The following MAPK4 variants were observed in gnomAD, a reference collection of about 807,000 sequenced individuals.
MAPK4 encodes the protein mitogen-activated protein kinase 4.
In MAPK4, 22 loss-of-function variants were observed where a neutral mutation model predicts 47.7. That is an observed-to-expected ratio of 0.46 (90% CI 0.33 to 0.66). The LOEUF is 0.66. MAPK4 is among the 30% of genes least tolerant of loss of function. MAPK4 has a pLI of 0.02. For synonymous variants in MAPK4, 390 were observed against 365.7 expected (o/e 1.07, Z -0.76); for missense variants, 736 against 831.7 (o/e 0.88, Z 1.42).
At chr18:50,665,847 T>G (rs1444771864) in intron 2 of MAPK4, among the ~76,000 whole-genome samples, 12 of 152,036 alleles carry the variant, frequency 7.9e-5, no homozygotes, top group Admixed American at 7.9e-4. Context: ...GCCAACTCTG[T>G]AGGAAGGAAT....
At chr18:50,674,395 G>T (rs943119053) in intron 2 of MAPK4, among the ~76,000 whole-genome samples, 1 of 152,202 alleles carries the variant, frequency 6.6e-6, no homozygotes, top group Non-Finnish European at 1.5e-5. Flanking sequence ...AGGCTCGGTG[G>T]GGGTGTGGGC....
At chr18:50,640,632 A>AT (rs2042932719) in intron 1 of MAPK4, among the ~76,000 whole-genome samples, 1 of 151,908 alleles carries the variant, frequency 6.6e-6, no homozygotes, top group African/African-American at 2.4e-5. Flanking sequence ...CGTCTGGCTA[A>AT]TTTTTGTATT....
At chr18:50,614,817 G>A (rs1425327450) in intron 1 of MAPK4, among the ~76,000 whole-genome samples, 1 of 152,144 alleles carries the variant, frequency 6.6e-6, no homozygotes, top group Non-Finnish European at 1.5e-5. Context: ...TCAAGAATTG[G>A]AATATGAATA....
intron 1 of MAPK4, among the ~76,000 whole-genome samples, chr18:50,646,168 T>A (rs935619536): frequency 7.2e-5 from 11 of 152,106 alleles, no homozygotes; most frequent in Non-Finnish European, 1.3e-4. Flanking sequence ...AGTTGGTGTT[T>A]TTTGTTTGTT....
intron 2 of MAPK4, among the ~76,000 whole-genome samples, chr18:50,687,055 A>G (rs573094406): frequency 1.3e-5 from 2 of 152,332 alleles, no homozygotes; most frequent in South Asian, 2.1e-4. Flanking sequence ...GAATTCACAT[A>G]CCTTTTGCCC....
At chr18:50,686,923 G>C (rs1908912984) in intron 2 of MAPK4, among the ~76,000 whole-genome samples, 1 of 152,190 alleles carries the variant, frequency 6.6e-6, no homozygotes, top group African/African-American at 2.4e-5. Context: ...TTTCCACAAA[G>C]CCCAGATGGA....
intron 1 of MAPK4, among the ~76,000 whole-genome samples, chr18:50,653,333 T>C (rs1312922113): frequency 6.6e-6 from 1 of 152,194 alleles, no homozygotes; most frequent in Non-Finnish European, 1.5e-5. Flanking sequence ...AGCTGAAAGA[T>C]ACCTTTTATG....
intron 2 of MAPK4, among the ~76,000 whole-genome samples, chr18:50,709,444 C>T (rs1198840337): frequency 6.6e-5 from 10 of 152,192 alleles, no homozygotes; most frequent in African/African-American, 2.4e-4. Context: ...CTTGCAAGGG[C>T]CCCACTAGGG....
chr18:50,645,227 G>A (rs2042977693), intron 1 of MAPK4, among the ~76,000 whole-genome samples: 1 of 151,728 alleles, frequency 6.6e-6, no homozygotes, highest in South Asian at 2.1e-4. Context: ...AGAGATGAAT[G>A]CCAATGCGCC....
chr18:50,647,121 T>G (rs2144197214), intron 1 of MAPK4, among the ~76,000 whole-genome samples: 1 of 152,324 alleles, frequency 6.6e-6, no homozygotes, highest in African/African-American at 2.4e-5. Flanking sequence ...ATGAAAGTAT[T>G]AAATATTCAA....
intron 1 of MAPK4, among the ~76,000 whole-genome samples, chr18:50,636,388 C>G (rs1021837661): frequency 6.6e-6 from 1 of 152,214 alleles, no homozygotes; most frequent in East Asian, 1.9e-4. Context: ...CAGTTCCGAG[C>G]AAAGGGCAGG....
intron 1 of MAPK4, among the ~76,000 whole-genome samples, chr18:50,616,080 T>A (rs1417655074): frequency 1.3e-5 from 2 of 152,220 alleles, no homozygotes; most frequent in Admixed American, 6.5e-5. Flanking sequence ...TGTCGGGGAC[T>A]GGCTTTGAAC....
chr18:50,567,733 TG>T (rs1411326941), intron 1 of MAPK4, among the ~76,000 whole-genome samples: 11 of 39,526 alleles, frequency 2.8e-4, no homozygotes, highest in African/African-American at 2.1e-3. Flanking sequence ...TAGGACTTTG[TG>T]TGTGTGTGTG....
chr18:50,664,886 C>T lies in MAPK4; in HGVS notation c.546+382C>T, dbSNP rs1192888906. On this transcript the variant is annotated intron_variant, in intron 2 of 5. Transcript: ENST00000400384. This position sits in a 1 kb window ranked among gnomAD's most constrained non-coding sequence, Gnocchi z 6.0. ...CCATGTCCTTCCTGTGTGCTCAGGACACACCCTGAGGCTTCCCACCCTGTG... is the reference window on the plus strand; with the variant it reads ...CCATGTCCTTCCTGTGTGCTCAGGATACACCCTGAGGCTTCCCACCCTGTG... 6.6e-6 allele frequency among the ~76,000 whole-genome samples: 1 copy of T among 152,232 alleles called. No homozygotes were observed. The highest frequency in any genetic ancestry group is 6.5e-5 in the Admixed American group (1 of 15,282).
chr18:50,583,361 G>A (rs1481377443), intron 1 of MAPK4, among the ~76,000 whole-genome samples: 6 of 152,222 alleles, frequency 3.9e-5, no homozygotes, highest in Non-Finnish European at 7.3e-5. Context: ...GCCAAGGTGA[G>A]TGGATTGCCT....
intron 1 of MAPK4, among the ~76,000 whole-genome samples, chr18:50,661,533 T>A (rs2043171904): frequency 6.6e-6 from 1 of 152,204 alleles, no homozygotes; most frequent in Non-Finnish European, 1.5e-5. Context: ...AGAACTGGAA[T>A]CAGAATCGAT....
At chr18:50,587,307 G>C (rs1394103751) in intron 1 of MAPK4, among the ~76,000 whole-genome samples, 1 of 152,228 alleles carries the variant, frequency 6.6e-6, no homozygotes, top group Non-Finnish European at 1.5e-5. Context: ...AGAGGACACA[G>C]CTAGAACATG....
chr18:50,694,229 GAC>G (rs1361491966), intron 2 of MAPK4, among the ~76,000 whole-genome samples: 3 of 152,128 alleles, frequency 2.0e-5, no homozygotes, highest in African/African-American at 7.2e-5. Flanking sequence ...AATCTTGCTG[GAC>G]ACAGATTTTC....
rs574407948 is a variant in MAPK4 at position 50,687,540 on chromosome 18, T to C, written c.546+23036T>C. Among the ~76,000 whole-genome samples, 3 of 152,350 alleles carry C rather than the reference T, an allele frequency of 2.0e-5. 1 individual carries two copies. The South Asian group carries it at 6.2e-4, about 32-fold the overall frequency. ...ACTGTAAAGCTCAGCCTGACCTCTTTGTGCCACCCAGCAAGTTCCCAGAGG... is the reference window on the plus strand; with the variant it reads ...ACTGTAAAGCTCAGCCTGACCTCTTCGTGCCACCCAGCAAGTTCCCAGAGG... On this transcript the variant is annotated intron_variant, in intron 2 of 5. Coordinates refer to ENST00000400384, the MANE Select transcript of MAPK4 (RefSeq NM_002747.4).
Sources: allele counts gnomAD v4.1 joint callset (sites outside exome capture counted in the v4.1 genomes callset), GRCh38; gene constraint gnomAD v4.1.1; non-coding constraint Gnocchi (gnomAD v3.1); transcripts MANE v1.5; gene names NCBI Gene and HGNC (gene_info 2026-07-23, HGNC 2026-07-21).